The following ACSL6 variants were observed in gnomAD, a reference collection of about 807,000 sequenced individuals.
The protein encoded by ACSL6 is long-chain-fatty-acid--CoA ligase 6.
In ACSL6, 47 loss-of-function variants were observed where a neutral mutation model predicts 98.2. The ratio of observed to expected loss-of-function variants is 0.48; its 90% CI spans 0.38 to 0.61. The LOEUF (loss-of-function observed/expected upper bound fraction) is 0.61. Ranked by LOEUF, ACSL6 falls within the 20% of genes least tolerant of loss-of-function variation. ACSL6 has a pLI of 0.00. For missense variants in ACSL6, 761 were observed against 913.4 expected (o/e 0.83, Z 2.15); for synonymous variants, 362 against 336.9 (o/e 1.07, Z -0.82).
At chr5:131,976,589 C>G (rs1011022247) in intron 10 of ACSL6, 59 bp downstream of exon 10, 3 of 1,391,276 alleles carry the variant, frequency 2.2e-6, no homozygotes, top group Non-Finnish European at 2.0e-6. Flanking sequence ...AAAAAAAATC[C>G]TCTGAGGCTT....
At position 131,997,849 on chromosome 5, in the gene ACSL6, C is replaced by G. The variant is rs539293500; in HGVS notation, c.50-3598G>C. Among the ~76,000 whole-genome samples, 9 of 152,286 alleles carry G rather than the reference C, an allele frequency of 5.9e-5. No individual in the cohort carries two copies. The East Asian group carries it at 1.7e-3, about 29-fold the overall frequency. ...AACCAGAGGGTCTCGTTCTTTCAGGCTTATCGACCTTCTCAGTCAGAACTG... is the reference window on the plus strand; with the variant it reads ...AACCAGAGGGTCTCGTTCTTTCAGGGTTATCGACCTTCTCAGTCAGAACTG... On this transcript the variant is annotated intron_variant, in intron 1 of 20. Coordinates refer to ENST00000651883, the MANE Select transcript of ACSL6 (RefSeq NM_001009185.3).
chr5:132,007,576 C>A (rs1410781260), intron 1 of ACSL6, among the ~76,000 whole-genome samples: 2 of 152,218 alleles, frequency 1.3e-5, no homozygotes, highest in Admixed American at 6.5e-5. Flanking sequence ...CTCGCTGAGT[C>A]TCAGGGCCTC....
chr5:131,989,504 G>C lies in ACSL6; in HGVS notation c.455C>G (p.Ala152Gly). 7 of 1,612,266 alleles carry C rather than the reference G, an allele frequency of 4.3e-6. No individual in the cohort carries two copies. The highest frequency in any genetic ancestry group is 5.9e-6 in the Non-Finnish European group (7 of 1,179,084). ...GGACCCCAGAAATTCAGCCCTGTCG[G>C]CCACCTGCACACAGATGTGGGGAAG... ...PYQWLSYQEV[A>G]DRAEFLGSGL... is the part of the protein sequence containing the mutation. Residue 152 changes from alanine (A) to glycine (G), a missense_variant, in exon 5 of 21, where the codon GCC becomes GGC. By Grantham distance (60) the Ala-to-Gly change is moderately conservative. Coordinates refer to ENST00000651883, the MANE Select transcript of ACSL6 (RefSeq NM_001009185.3).
chr5:131,989,155 C>T (rs1412243317), intron 5 of ACSL6, among the ~76,000 whole-genome samples: 4 of 152,148 alleles, frequency 2.6e-5, no homozygotes, highest in African/African-American at 9.7e-5. Context: ...GCCTGTTCCT[C>T]AGGTCTTTCC....
At chr5:131,988,745 C>A in intron 6 of ACSL6, 60 bp downstream of exon 6, 1 of 1,575,454 alleles carries the variant, frequency 6.3e-7, no homozygotes, top group East Asian at 2.2e-5. Context: ...ACCTGAGAAG[C>A]TGGAGGCTGG....
rs1294112041 is a variant in ACSL6 at position 131,953,279 on chromosome 5, T to C, written c.*955A>G. ...ATAAATGAGAAAATGTATTGAAAGGTCTTTGTAAGTTACTATATAAATATG... is the reference window on the plus strand; with the variant it reads ...ATAAATGAGAAAATGTATTGAAAGGCCTTTGTAAGTTACTATATAAATATG... On this transcript the variant is annotated 3_prime_UTR_variant, in exon 21 of 21. Transcript: ENST00000651883. 5.3e-6 allele frequency: 1 copy of C among 188,154 alleles called. No homozygotes were observed. The highest frequency in any genetic ancestry group is 1.1e-5 in the Non-Finnish European group (1 of 89,294). 11.7% of individuals were successfully genotyped at this position (188,154 alleles called of 1,614,324 possible).
intron 10 of ACSL6, among the ~76,000 whole-genome samples, chr5:131,976,445 G>A (rs1753615966): frequency 6.6e-6 from 1 of 151,990 alleles, no homozygotes; most frequent in Middle Eastern, 3.4e-3. Flanking sequence ...TCACGTATGG[G>A]TCATTTCAGT....
intron 1 of ACSL6, among the ~76,000 whole-genome samples, chr5:132,008,051 T>C (rs1002956564): frequency 1.3e-5 from 2 of 152,170 alleles, no homozygotes; most frequent in South Asian, 2.1e-4. Flanking sequence ...GTTCTTACCA[T>C]ATAGGCTGGA....
intron 10 of ACSL6, chr5:131,976,009 T>C: frequency 1.0e-6 from 1 of 985,452 alleles, no homozygotes; most frequent in Non-Finnish European, 1.2e-6. Context: ...TGTGACTTTC[T>C]CCACAGTGAA....
At chr5:131,967,668 T>TTAATAATAATAATAA (rs3043871) in intron 16 of ACSL6, among the ~76,000 whole-genome samples, 19 of 144,128 alleles carry the variant, frequency 1.3e-4, no homozygotes, top group South Asian at 6.7e-4. Context: ...CCGTCTCAAA[T>TTAATAATAATAATAA]TAATAATAAT....
At chr5:131,989,218 G>A (rs907041767) in intron 5 of ACSL6, among the ~76,000 whole-genome samples, 189 bp downstream of exon 5, 1 of 152,050 alleles carries the variant, frequency 6.6e-6, no homozygotes, top group Non-Finnish European at 1.5e-5. Context: ...GGTGTGGATG[G>A]AGCATGGCTG....
chr5:132,011,789 C>T, upstream of ACSL6: 1 of 1,368,870 alleles, frequency 7.3e-7, no homozygotes, highest in Non-Finnish European at 9.5e-7. This position sits in a 1 kb window ranked among gnomAD's most constrained non-coding sequence, Gnocchi z 5.4. Context: ...TGCAGCCTGG[C>T]CGGCCGGGTC....
intron 17 of ACSL6, among the ~76,000 whole-genome samples, chr5:131,964,594 A>G (rs1382350607): frequency 1.3e-5 from 2 of 152,188 alleles, no homozygotes; most frequent in African/African-American, 2.4e-5. Context: ...GATTTGTGAG[A>G]CTTCAAGCTT....
chr5:131,989,201 TG>T (rs1754368362), intron 5 of ACSL6, among the ~76,000 whole-genome samples: 1 of 151,908 alleles, frequency 6.6e-6, no homozygotes, highest in Admixed American at 6.6e-5. Flanking sequence ...TTTGTAGAGC[TG>T]GGTGGGGTGT....
chr5:131,989,133 T>C (rs139858632), intron 5 of ACSL6, among the ~76,000 whole-genome samples: 484 of 152,252 alleles, frequency 3.2e-3, no homozygotes, highest in Non-Finnish European at 5.8e-3. Context: ...GACAGTTCCA[T>C]GGCCTGCATG....
chr5:131,975,483 TG>T lies in ACSL6; in HGVS notation c.991-514del, dbSNP rs956422804. On this transcript the variant is annotated intron_variant, in intron 10 of 20. Transcript: ENST00000651883. ...TGGCTAGTCAGCACTTTCTAGTCCTTGCAGAGAAAGGGGCCCAGAGACTCCT... is the reference window on the plus strand; with the variant it reads ...TGGCTAGTCAGCACTTTCTAGTCCTTCAGAGAAAGGGGCCCAGAGACTCCT... 5.6e-5 allele frequency: 55 copies of T among 985,404 alleles called. No individual in the cohort carries two copies. In the African/African-American group the frequency reaches 9.4e-4, roughly 17 times the overall value. 61.0% of individuals were successfully genotyped at this position (985,404 alleles called of 1,614,324 possible).
At chr5:131,989,970 G>T in intron 4 of ACSL6, 130 bp downstream of exon 4, 1 of 971,610 alleles carries the variant, frequency 1.0e-6, no homozygotes, top group Non-Finnish European at 1.5e-6. Context: ...CTGTTGCCAG[G>T]AGTTTGGCAG....
intron 2 of ACSL6, 78 bp downstream of exon 2, chr5:131,993,953 C>T: frequency 1.4e-6 from 2 of 1,455,786 alleles, no homozygotes; most frequent in South Asian, 1.2e-5. Flanking sequence ...AAATAAGCCA[C>T]AAGTCTGGCT....
At chr5:131,982,174 C>T (rs1272656244) in intron 9 of ACSL6, 7 of 113,236 alleles carry the variant, frequency 6.2e-5, no homozygotes, top group East Asian at 2.8e-4. Context: ...GACGGAGTCT[C>T]GCTCTGTCGC....
Sources: allele counts gnomAD v4.1 joint callset (sites outside exome capture counted in the v4.1 genomes callset), GRCh38; gene constraint gnomAD v4.1.1; non-coding constraint Gnocchi (gnomAD v3.1); transcripts MANE v1.5; gene names NCBI Gene and HGNC (gene_info 2026-07-23, HGNC 2026-07-21).